The following NEK11 variants were observed in gnomAD, a reference collection of about 807,000 sequenced individuals.
NEK11 encodes NIMA related kinase 11.
In NEK11, 72 loss-of-function variants were observed where a neutral mutation model predicts 80.7. The ratio of observed to expected loss-of-function variants is 0.89; its 90% CI spans 0.74 to 1.08. The LOEUF is 1.08. Ranked by LOEUF, NEK11 falls within the 50% of genes least tolerant of loss-of-function variation. The pLI is 0.00. For synonymous variants in NEK11, 251 were observed against 260.7 expected (o/e 0.96, Z 0.36); for missense variants, 764 against 763.6 (o/e 1.00, Z -0.01).
At chr3:131,184,463 A>C (rs1159777097) in intron 14 of NEK11, among the ~76,000 whole-genome samples, 1 of 152,216 alleles carries the variant, frequency 6.6e-6, no homozygotes, top group Non-Finnish European at 1.5e-5. Context: ...TCACCATTTT[A>C]TTCCTACCTA....
Position 131,029,892 on chromosome 3 carries a change from C to T in NEK11, c.170+14C>T. ...AGGAGAGGAATTGTAAGTAAAAATG[C>T]TTCCTATGAATCTTGAGTAGGCTGC... On this transcript the variant is annotated intron_variant, in intron 3 of 17. Transcript: ENST00000383366. 1 of 1,612,562 alleles carries T rather than the reference C, an allele frequency of 6.2e-7. No individual in the cohort carries two copies. Among genetic ancestry groups the T allele is most frequent in the Non-Finnish European group, 8.5e-7 (1 of 1,178,692 alleles).
intron 17 of NEK11, among the ~76,000 whole-genome samples, chr3:131,286,737 A>G (rs2096475709): frequency 6.6e-6 from 1 of 152,232 alleles, no homozygotes; most frequent in Non-Finnish European, 1.5e-5. Flanking sequence ...ATAAACTGCC[A>G]TATCTGGACT....
In NEK11 at chr3:131,139,135, A is replaced by G. The variant is rs1414902014; in HGVS notation, c.647+5179A>G. Among the ~76,000 whole-genome samples the G allele has an allele frequency of 3.9e-5, 6 of 152,050 alleles. No individual in the cohort carries two copies. In the East Asian group the frequency reaches 1.2e-3, roughly 29 times the overall value. On this transcript the variant is annotated intron_variant, in intron 7 of 17. Coordinates refer to ENST00000383366, the MANE Select transcript of NEK11 (RefSeq NM_024800.5). Reference sequence around the variant, plus strand: ...AAGAAACTCAACAAAATTCAAGATAACACAGAGAAGGAATTCAGATTTATA... The same window carrying G: ...AAGAAACTCAACAAAATTCAAGATAGCACAGAGAAGGAATTCAGATTTATA...
intron 16 of NEK11, among the ~76,000 whole-genome samples, chr3:131,265,924 C>A (rs566194386): frequency 6.6e-6 from 1 of 152,252 alleles, no homozygotes; most frequent in South Asian, 2.1e-4. Flanking sequence ...GATTTAACTT[C>A]TTCCTGATTT....
chr3:131,091,399 C>T (rs550588888), intron 4 of NEK11, among the ~76,000 whole-genome samples: 1 of 152,238 alleles, frequency 6.6e-6, no homozygotes, highest in East Asian at 1.9e-4. Flanking sequence ...GGAAATCAGG[C>T]ACTTAATATC....
chr3:131,166,929 C>G (rs1008828490), intron 12 of NEK11, among the ~76,000 whole-genome samples: 1 of 152,208 alleles, frequency 6.6e-6, no homozygotes, highest in Non-Finnish European at 1.5e-5. Flanking sequence ...CTCTTCTTCT[C>G]TGGTGCAGTC....
At chr3:131,310,017 A>C (rs1284983680) in intron 17 of NEK11, among the ~76,000 whole-genome samples, 6 of 141,004 alleles carry the variant, frequency 4.3e-5, no homozygotes, top group East Asian at 4.2e-4. Context: ...AAAAAAAAAA[A>C]AAAAAACAAC....
chr3:131,102,484 A>G (rs1359111482), intron 4 of NEK11, among the ~76,000 whole-genome samples: 1 of 152,166 alleles, frequency 6.6e-6, no homozygotes, highest in African/African-American at 2.4e-5. Context: ...TCTTTTATTT[A>G]AGAGTGCTGA....
At chr3:131,199,668 C>T (rs1185375304) in intron 14 of NEK11, among the ~76,000 whole-genome samples, 1 of 151,356 alleles carries the variant, frequency 6.6e-6, no homozygotes, top group Non-Finnish European at 1.5e-5. Flanking sequence ...CAAAAAACTA[C>T]AAATAGAAGT....
intron 14 of NEK11, among the ~76,000 whole-genome samples, chr3:131,172,803 G>A (rs1354349418): frequency 6.6e-6 from 1 of 152,190 alleles, no homozygotes; most frequent in East Asian, 1.9e-4. Context: ...CAGGAGACCA[G>A]CACAAGATAC....
chr3:131,198,134 G>C (rs746096362), intron 14 of NEK11, among the ~76,000 whole-genome samples: 3 of 152,094 alleles, frequency 2.0e-5, no homozygotes, highest in Non-Finnish European at 2.9e-5. Context: ...GCCCGAGTGA[G>C]GGCTGTTAGT....
intron 3 of NEK11, among the ~76,000 whole-genome samples, chr3:131,066,003 C>A (rs993620220): frequency 3.9e-5 from 6 of 152,082 alleles, no homozygotes; most frequent in African/African-American, 1.2e-4. Flanking sequence ...CTTGTTTGAC[C>A]AGCTATGAAT....
chr3:131,046,583 T>C lies in NEK11; in HGVS notation c.170+16705T>C, dbSNP rs541862977. ...TGGTTTCCAATAAAGTGATTCTTTT[T>C]TTTTTTTCTTAATTATACTTTAAGT... On this transcript the variant is annotated intron_variant, in intron 3 of 17. Transcript: ENST00000383366. 3.9e-5 allele frequency among the ~76,000 whole-genome samples: 6 copies of C among 152,332 alleles called. No homozygotes were observed. The South Asian group carries it at 1.2e-3, about 32-fold the overall frequency.
Position 131,144,137 on chromosome 3 carries a change from G to C in NEK11, c.648-8251G>C, listed in dbSNP as rs80129336. ...TGTGATTTATTATCAATCAACCTGTGCTTCAGAAATTTTCTCAGTAGTTCC... is the reference window on the plus strand; with the variant it reads ...TGTGATTTATTATCAATCAACCTGTCCTTCAGAAATTTTCTCAGTAGTTCC... On this transcript the variant is annotated intron_variant, in intron 7 of 17. Coordinates refer to ENST00000383366, the MANE Select transcript of NEK11 (RefSeq NM_024800.5). Among the ~76,000 whole-genome samples, 780 of 152,198 alleles carry C rather than the reference G, an allele frequency of 5.1e-3. 6 individuals are homozygous for C. Among genetic ancestry groups the C allele is most frequent in the African/African-American group, 0.017 (712 of 41,536 alleles).
At chr3:131,255,437 A>G (rs1030258552) in intron 16 of NEK11, among the ~76,000 whole-genome samples, 2 of 152,180 alleles carry the variant, frequency 1.3e-5, no homozygotes, top group African/African-American at 4.8e-5. Context: ...ACTTTAAAAA[A>G]ATAAAACAGT....
chr3:131,083,627 C>T (rs551738880), intron 4 of NEK11, among the ~76,000 whole-genome samples: 1 of 152,320 alleles, frequency 6.6e-6, no homozygotes, highest in African/African-American at 2.4e-5. Flanking sequence ...GCTATCACTA[C>T]CATTGAAATG....
intron 16 of NEK11, among the ~76,000 whole-genome samples, chr3:131,272,463 C>CTTCTTCTTTTTTTTTTTTTTTTTTTT (rs2096210843): frequency 2.3e-5 from 1 of 43,884 alleles, no homozygotes; most frequent in African/African-American, 9.1e-5. Context: ...GTTTTAGCTT[C>CTTCTTCTTTTTTTTTTTTTTTTTTTT]TTTTTTTTTT....
intron 17 of NEK11, among the ~76,000 whole-genome samples, chr3:131,318,448 A>T (rs2096865258): frequency 6.6e-6 from 1 of 152,216 alleles, no homozygotes; most frequent in South Asian, 2.1e-4. Flanking sequence ...CTATATAAAT[A>T]CTTGTATAAA....
At chr3:131,318,389 A>AT (rs1357503323) in intron 17 of NEK11, among the ~76,000 whole-genome samples, 1 of 152,174 alleles carries the variant, frequency 6.6e-6, no homozygotes, top group African/African-American at 2.4e-5. Context: ...GTCTGTTCAA[A>AT]TTTTTTAAGT....
Sources: allele counts gnomAD v4.1 joint callset (sites outside exome capture counted in the v4.1 genomes callset), GRCh38; gene constraint gnomAD v4.1.1; transcripts MANE v1.5; gene names NCBI Gene and HGNC (gene_info 2026-07-23, HGNC 2026-07-21).